Variants in SP110 observed in about 807,000 individuals in gnomAD.
The protein encoded by SP110 is interferon-induced protein 41, 30kD.
A neutral mutation model predicts 92.7 loss-of-function variants in SP110; 62 were observed. The ratio of observed to expected loss-of-function variants is 0.67; its 90% CI spans 0.55 to 0.83. The LOEUF (loss-of-function observed/expected upper bound fraction) is 0.83. Among genes scored for constraint, SP110 ranks in the 40% least tolerant of loss-of-function variants. SP110 has a pLI of 0.00. For synonymous variants in SP110, 273 were observed against 305.3 expected, an observed-to-expected ratio of 0.89 and a Z score of 1.10; for missense variants, 793 against 863.9, an observed-to-expected ratio of 0.92 and a Z score of 1.03.
intron 1 of SP110, among the ~76,000 whole-genome samples, chr2:230,217,861 C>G (rs2045396823): frequency 6.6e-6 from 1 of 152,206 alleles, no homozygotes; most frequent in African/African-American, 2.4e-5. Context: ...AGCTGGAAAC[C>G]TGGTAATATT....
chr2:230,173,194 C>T (rs755992685), intron 14 of SP110: 8 of 493,258 alleles, frequency 1.6e-5, no homozygotes, highest in Non-Finnish European at 3.1e-5. Context: ...CTGGCTGTGG[C>T]TTGCCAACAG....
intron 3 of SP110, among the ~76,000 whole-genome samples, chr2:230,214,646 T>C (rs1459163670): frequency 1.3e-5 from 2 of 152,258 alleles, no homozygotes; most frequent in African/African-American, 4.8e-5. Context: ...TCTTTGTAAC[T>C]TTGCATTTCT....
Position 230,169,033 on chromosome 2 carries a change from C to T in SP110, c.*91G>A, listed in dbSNP as rs200083354. 2.2e-5 allele frequency: 19 copies of T among 857,748 alleles called. No individual in the cohort carries two copies. Among genetic ancestry groups the T allele is most frequent in the Non-Finnish European group, 2.8e-5 (14 of 496,132 alleles). The allele number at this position is 857,748 out of a possible 1,614,324, so 53.1% of individuals were successfully genotyped here. On this transcript the variant is annotated 3_prime_UTR_variant, in exon 19 of 19. Coordinates refer to ENST00000258381, the MANE Select transcript of SP110 (RefSeq NM_080424.4). ...TTTGGGTCCTGAGGGCAGCCAATTA[C>T]ATCCCAGACTCACTGGCAATCAACA...
chr2:230,171,495 C>T (rs995080545), intron 17 of SP110: 113 of 615,430 alleles, frequency 1.8e-4, no homozygotes, highest in Middle Eastern at 3.1e-4. Context: ...TCCCAGAGCC[C>T]GTGAGCAGTG....
rs2078347813 is a variant in SP110, at chr2:230,168,460, T to C, written c.*664A>G. 1.3e-5 allele frequency: 2 copies of C among 152,024 alleles called. No individual in the cohort carries two copies. Among genetic ancestry groups the C allele is most frequent in the Non-Finnish European group, 2.9e-5 (2 of 68,042 alleles). The allele number at this position is 152,024 out of a possible 1,614,324, so 9.4% of individuals were successfully genotyped here. ...CCTCTGATGATATCACGGATTTAGG[T>C]ATTGCTAAAACCATCAGGTGATAGA... On this transcript the variant is annotated 3_prime_UTR_variant, in exon 19 of 19. Transcript: ENST00000258381.
chr2:230,208,099 A>G (rs2044077457), intron 7 of SP110, 40 bp from the exon 8 acceptor site: 1 of 1,103,058 alleles, frequency 9.1e-7, no homozygotes, highest in Admixed American at 1.7e-5. Flanking sequence ...ACAAACATTG[A>G]TCTCCCAATC....
rs547427992 is a variant in SP110, at chr2:230,172,949, G to A, written c.1601C>T (p.Ser534Leu). ...TTGACAGCACACCTCGCATTCATCC[G>A]AGTTTTTCCGCTGCAAGGGCAGATA... ...TLGELLKRKN[S>L]DECEVCCQGG... The change falls in exon 15 of 19, where the codon TCG becomes TTG. Residue 534 changes from serine to leucine, a missense_variant. Physicochemically the swap from Ser to Leu is moderately radical, Grantham distance 145. Coordinates refer to ENST00000258381, the MANE Select transcript of SP110 (RefSeq NM_080424.4). 1.1e-5 allele frequency: 18 copies of A among 1,613,162 alleles called. No individual in the cohort carries two copies. In the South Asian group the frequency reaches 1.2e-4, roughly 11 times the overall value.
chr2:230,173,288 C>A, intron 14 of SP110: 1 of 357,582 alleles, frequency 2.8e-6, no homozygotes, highest in Non-Finnish European at 5.5e-6. Context: ...TTTGCTGAGC[C>A]CACCAGGCCT....
intron 14 of SP110, chr2:230,176,331 C>T: frequency 2.0e-6 from 1 of 497,120 alleles, no homozygotes; most frequent in Non-Finnish European, 3.2e-6. Flanking sequence ...AGGTGCACAC[C>T]ACCATTCCTA....
At position 230,211,527 on chromosome 2, in the gene SP110, T is replaced by C; in HGVS notation, c.694A>G (p.Ile232Val). ...TCTTGAGGGTCTTCTTTATCTCTTA[T>C]TTGGGGGATCAGGTTGTCACTGGCC... ...QVASDNLIPQ[I>V]RDKEDPQEMP... Residue 232 changes from isoleucine (I) to valine (V), a missense_variant, in exon 6 of 19, where the codon ATA becomes GTA. By Grantham distance (29) the Ile-to-Val change is conservative (BLOSUM62 3). Transcript: ENST00000258381. This position sits in a 1 kb window ranked among gnomAD's most constrained non-coding sequence, Gnocchi z 4.2. 1 of 1,611,172 alleles carries C rather than the reference T, an allele frequency of 6.2e-7. No homozygotes were observed. The highest frequency in any genetic ancestry group is 8.5e-7 in the Non-Finnish European group (1 of 1,177,354).
At chr2:230,195,747 C>T (rs561548836) in intron 10 of SP110, among the ~76,000 whole-genome samples, 1 of 152,044 alleles carries the variant, frequency 6.6e-6, no homozygotes, top group South Asian at 2.1e-4. Context: ...ATGAGATAAA[C>T]AGATTTGAAT....
chr2:230,172,255 T>G, intron 15 of SP110, 81 bp from the exon 16 acceptor site: 1 of 902,052 alleles, frequency 1.1e-6, no homozygotes, highest in African/African-American at 1.6e-5. Context: ...CTGTCTTCCC[T>G]CAGGAAGGAT....
rs369302652 is a variant in SP110, at chr2:230,217,099, A to C, written c.-1-171T>G. On this transcript the variant is annotated intron_variant, in intron 1 of 18. Coordinates refer to ENST00000258381, the MANE Select transcript of SP110 (RefSeq NM_080424.4). The stretch of plus-strand genomic sequence containing the variant: ...TGTCTCTACTAAAAATACAAAAATT[A>C]GCTGGGTGTGGTGGCGCACGCCTGT... Among the ~76,000 whole-genome samples, 11 of 152,220 alleles carry C rather than the reference A, an allele frequency of 7.2e-5. No individual in the cohort carries two copies. In the East Asian group the frequency reaches 1.9e-3, roughly 27 times the overall value.
At chr2:230,206,724 T>C (rs2043902507) in intron 8 of SP110, among the ~76,000 whole-genome samples, 1 of 149,144 alleles carries the variant, frequency 6.7e-6, no homozygotes, top group African/African-American at 2.5e-5. Flanking sequence ...TAAAAAGCCC[T>C]AGTCCCGGAG....
intron 4 of SP110, 67 bp downstream of exon 4, chr2:230,212,694 G>T: frequency 1.3e-6 from 2 of 1,579,584 alleles, no homozygotes; most frequent in Non-Finnish European, 1.7e-6. Context: ...TGCTGGGATT[G>T]GCGGCAACAT....
intron 8 of SP110, among the ~76,000 whole-genome samples, chr2:230,205,180 C>T (rs879542789): frequency 4.6e-5 from 7 of 152,162 alleles, no homozygotes; most frequent in Admixed American, 1.3e-4. Flanking sequence ...CAGTTAGTCA[C>T]GGATGACTAA....
intron 12 of SP110, among the ~76,000 whole-genome samples, chr2:230,179,458 G>T (rs778259479): frequency 2.1e-5 from 3 of 145,884 alleles, no homozygotes; most frequent in African/African-American, 7.5e-5. Context: ...CAGCAGATGA[G>T]AGCGTGGCCT....
chr2:230,209,791 A>G (rs550896121), intron 7 of SP110, 140 bp downstream of exon 7: 200 of 710,696 alleles, frequency 2.8e-4, no homozygotes, highest in Non-Finnish European at 4.5e-4. Flanking sequence ...GATGCAGCAA[A>G]TGGAAACTGC....
At chr2:230,192,087 C>T (rs1214693361) in intron 10 of SP110, among the ~76,000 whole-genome samples, 1 of 152,144 alleles carries the variant, frequency 6.6e-6, no homozygotes, top group African/African-American at 2.4e-5. Flanking sequence ...TTCTACATCC[C>T]TTCATGTTAA....
Sources: allele counts gnomAD v4.1 joint callset (sites outside exome capture counted in the v4.1 genomes callset), GRCh38; gene constraint gnomAD v4.1.1; non-coding constraint Gnocchi (gnomAD v3.1); transcripts MANE v1.5; gene names NCBI Gene and HGNC (gene_info 2026-07-23, HGNC 2026-07-21).